The following ERBB4 variants were observed in gnomAD, a reference collection of about 807,000 sequenced individuals.
The protein encoded by ERBB4 is erb-b2 receptor tyrosine kinase 4.
ERBB4 carries 42 observed loss-of-function variants against 158.0 expected under a neutral mutation model. The observed-to-expected ratio is 0.27, with a 90% CI of 0.21 to 0.34. The LOEUF (loss-of-function observed/expected upper bound fraction) is 0.34. Among genes scored for constraint, ERBB4 ranks in the 10% least tolerant of loss-of-function variants. ERBB4 has a pLI of 1.00. For missense variants in ERBB4, 1,333 were observed against 1,624.1 expected, an observed-to-expected ratio of 0.82 and a Z score of 3.08; for synonymous variants, 583 against 558.7, an observed-to-expected ratio of 1.04 and a Z score of -0.61.
At chr2:212,137,439 G>A (rs2080307588) in intron 1 of ERBB4, among the ~76,000 whole-genome samples, 1 of 152,210 alleles carries the variant, frequency 6.6e-6, no homozygotes, top group South Asian at 2.1e-4. Context: ...TTGGTTTGCT[G>A]TTCCTGTGTT....
intron 1 of ERBB4, among the ~76,000 whole-genome samples, chr2:212,181,233 A>G (rs1301965342): frequency 1.3e-5 from 2 of 151,654 alleles, no homozygotes; most frequent in Non-Finnish European, 3.0e-5. Flanking sequence ...CCTTGGTTTT[A>G]TATTAATCTT....
intron 20 of ERBB4, among the ~76,000 whole-genome samples, chr2:211,488,904 T>C (rs1381286938): frequency 6.6e-6 from 1 of 152,080 alleles, no homozygotes; most frequent in African/African-American, 2.4e-5. Flanking sequence ...TTTACTCTGC[T>C]CTTTGAATTA....
intron 1 of ERBB4, among the ~76,000 whole-genome samples, chr2:212,419,081 T>A (rs2091728896): frequency 6.6e-6 from 1 of 151,646 alleles, no homozygotes; most frequent in South Asian, 2.1e-4. Flanking sequence ...AACTTCTTAC[T>A]ATGTATACAG....
In ERBB4 at chr2:212,242,848, G is replaced by T. The variant is rs550137273; in HGVS notation, c.83-117945C>A. 2.0e-5 allele frequency among the ~76,000 whole-genome samples: 3 copies of T among 152,316 alleles called. No individual in the cohort carries two copies. In the South Asian group the frequency reaches 6.2e-4, roughly 32 times the overall value. On this transcript the variant is annotated intron_variant, in intron 1 of 27. Coordinates refer to ENST00000342788, the MANE Select transcript of ERBB4 (RefSeq NM_005235.3). ...GACAAATCTCACCTAAGAGGATATGGCAGCCTTCCACACTGTGGTCTGATT... is the reference window on the plus strand; with the variant it reads ...GACAAATCTCACCTAAGAGGATATGTCAGCCTTCCACACTGTGGTCTGATT...
intron 2 of ERBB4, among the ~76,000 whole-genome samples, chr2:212,048,232 A>G (rs1436222848): frequency 6.6e-6 from 1 of 152,202 alleles, no homozygotes; most frequent in Non-Finnish European, 1.5e-5. Flanking sequence ...TTATTTTACA[A>G]AAAGGTATGG....
intron 22 of ERBB4, among the ~76,000 whole-genome samples, chr2:211,426,375 G>A (rs1319929307): frequency 1.3e-5 from 2 of 152,058 alleles, no homozygotes; most frequent in African/African-American, 2.4e-5. Context: ...TTCCATAAAG[G>A]TGCACTGTAA....
chr2:212,148,254 T>C (rs1260367954), intron 1 of ERBB4, among the ~76,000 whole-genome samples: 1 of 152,028 alleles, frequency 6.6e-6, no homozygotes, highest in African/African-American at 2.4e-5. Context: ...GCAATGAATA[T>C]AGACTAAAAA....
intron 4 of ERBB4, chr2:211,778,547 C>T (rs903572548): frequency 6.6e-6 from 1 of 152,110 alleles, no homozygotes; most frequent in African/African-American, 2.4e-5. Flanking sequence ...ATGGCATTCC[C>T]CCGGATAAAT....
chr2:211,928,922 C>T (rs1286338275), intron 3 of ERBB4, among the ~76,000 whole-genome samples: 1 of 152,084 alleles, frequency 6.6e-6, no homozygotes, highest in Admixed American at 6.6e-5. Flanking sequence ...CTGATTTCAA[C>T]CTTTAATGAG....
At chr2:211,998,704 C>A (rs746695667) in intron 2 of ERBB4, among the ~76,000 whole-genome samples, 73 of 151,764 alleles carry the variant, frequency 4.8e-4, no homozygotes, top group Non-Finnish European at 7.7e-4. Flanking sequence ...CAATGGCCAA[C>A]CTCATAGCTC....
chr2:211,518,702 G>C (rs930470481), intron 20 of ERBB4, among the ~76,000 whole-genome samples: 2 of 151,920 alleles, frequency 1.3e-5, no homozygotes, highest in East Asian at 3.9e-4. Flanking sequence ...TTTAGTAGAT[G>C]ACTTATATTA....
chr2:212,163,770 C>T (rs537841569), intron 1 of ERBB4, among the ~76,000 whole-genome samples: 3 of 151,760 alleles, frequency 2.0e-5, no homozygotes, highest in African/African-American at 7.3e-5. Flanking sequence ...TAGAAAAGAC[C>T]TTTTGTGCAT....
intron 20 of ERBB4, among the ~76,000 whole-genome samples, chr2:211,516,774 C>G (rs908692685): frequency 6.6e-5 from 10 of 152,094 alleles, no homozygotes; most frequent in African/African-American, 1.9e-4. Flanking sequence ...GGACAGATTT[C>G]ACGGTAGAAG....
intron 1 of ERBB4, among the ~76,000 whole-genome samples, chr2:212,168,713 G>C (rs1462732522): frequency 6.6e-6 from 1 of 152,122 alleles, no homozygotes; most frequent in Non-Finnish European, 1.5e-5. Context: ...AAATGGCTAG[G>C]ATTTCAGGAA....
chr2:212,055,726 T>A (rs755250021), intron 2 of ERBB4, among the ~76,000 whole-genome samples: 1 of 152,110 alleles, frequency 6.6e-6, no homozygotes, highest in Non-Finnish European at 1.5e-5. Context: ...TCCTGACTGT[T>A]AGAAGGAAAA....
chr2:211,848,984 C>T (rs1575241814), intron 3 of ERBB4, among the ~76,000 whole-genome samples: 1 of 152,020 alleles, frequency 6.6e-6, no homozygotes, highest in Non-Finnish European at 1.5e-5. Context: ...ACTTTCTCAG[C>T]AGGTAATGGT....
chr2:212,469,192 A>G (rs1486125496), intron 1 of ERBB4, among the ~76,000 whole-genome samples: 1 of 152,220 alleles, frequency 6.6e-6, no homozygotes, highest in African/African-American at 2.4e-5. Context: ...CATCTGAATA[A>G]TCTGATTGCT....
chr2:211,664,530 CTTG>C (rs1263067452), intron 15 of ERBB4, among the ~76,000 whole-genome samples: 1 of 152,192 alleles, frequency 6.6e-6, no homozygotes, highest in African/African-American at 2.4e-5. Flanking sequence ...CTAAAATAGA[CTTG>C]TTGTCTCTTA....
intron 1 of ERBB4, among the ~76,000 whole-genome samples, chr2:212,372,861 G>A (rs1309130823): frequency 1.3e-5 from 2 of 152,132 alleles, no homozygotes; most frequent in Non-Finnish European, 2.9e-5. Context: ...CCATGCCATT[G>A]TTCATGCTCA....
Sources: allele counts gnomAD v4.1 joint callset (sites outside exome capture counted in the v4.1 genomes callset), GRCh38; gene constraint gnomAD v4.1.1; transcripts MANE v1.5; gene names NCBI Gene and HGNC (gene_info 2026-07-23, HGNC 2026-07-21).